The following DAB1 variants were observed in gnomAD, a reference collection of about 807,000 sequenced individuals.
DAB1 encodes disabled homolog 1.
In DAB1, 15 loss-of-function variants were observed where a neutral mutation model predicts 64.6. The ratio of observed to expected loss-of-function variants is 0.23; its 90% CI spans 0.16 to 0.36. The LOEUF is 0.36. DAB1 is among the 10% of genes least tolerant of loss of function. The pLI, the probability that DAB1 is intolerant of heterozygous loss-of-function variation, is 1.00. For synonymous variants in DAB1, 235 were observed against 251.9 expected (o/e 0.93, Z 0.64); for missense variants, 596 against 706.7 (o/e 0.84, Z 1.78).
At chr1:58,493,411 G>A (rs1645735275) in intron 3 of DAB1, among the ~76,000 whole-genome samples, 1 of 152,054 alleles carries the variant, frequency 6.6e-6, no homozygotes, top group African/African-American at 2.4e-5. Context: ...TGGAAGTTCT[G>A]GCCAGGGCAA....
intron 3 of DAB1, among the ~76,000 whole-genome samples, chr1:58,351,646 AT>A (rs1379415614): frequency 6.6e-6 from 1 of 151,892 alleles, no homozygotes; most frequent in Non-Finnish European, 1.5e-5. Context: ...CTCTTCATGC[AT>A]GCAGAGCCAA....
intron 3 of DAB1, among the ~76,000 whole-genome samples, chr1:58,383,473 C>T (rs1040843700): frequency 1.3e-5 from 2 of 152,168 alleles, no homozygotes; most frequent in African/African-American, 4.8e-5. Flanking sequence ...TTCTGGCTTG[C>T]ATGGCTTTGA....
intron 6 of DAB1, among the ~76,000 whole-genome samples, chr1:57,677,742 G>A (rs1452914839): frequency 1.3e-5 from 2 of 152,176 alleles, no homozygotes; most frequent in South Asian, 2.1e-4. Flanking sequence ...CCTTTGGGTT[G>A]GGAAGGGTAT....
chr1:57,407,581 G>A (rs2101047808), intron 1 of DAB1, among the ~76,000 whole-genome samples: 1 of 152,268 alleles, frequency 6.6e-6, no homozygotes, highest in East Asian at 1.9e-4. Flanking sequence ...ACTTCTTTGT[G>A]TTTACAAAAC....
chr1:58,318,823 C>T (rs1662615726), intron 4 of DAB1, among the ~76,000 whole-genome samples: 1 of 152,168 alleles, frequency 6.6e-6, no homozygotes, highest in South Asian at 2.1e-4. Context: ...TTAGCTATTC[C>T]AAGCATGCAT....
At chr1:57,153,623 G>GT (rs55813762) in intron 2 of DAB1, among the ~76,000 whole-genome samples, 28 of 147,968 alleles carry the variant, frequency 1.9e-4, no homozygotes, top group East Asian at 5.9e-4. Flanking sequence ...TATGTATGGG[G>GT]TTTTTTTTTT....
chr1:57,391,804 CACACACACAG>C (rs1465093823), intron 1 of DAB1, among the ~76,000 whole-genome samples: 14 of 137,886 alleles, frequency 1.0e-4, no homozygotes, highest in African/African-American at 3.9e-4. Context: ...CACACACACA[CACACACACAG>C]AGAGAGGAGA....
intron 2 of DAB1, among the ~76,000 whole-genome samples, chr1:57,150,363 T>G (rs553433433): frequency 2.6e-5 from 4 of 152,356 alleles, no homozygotes; most frequent in South Asian, 4.1e-4. Flanking sequence ...TCCCTCATTA[T>G]TCTCAAAAGT....
chr1:57,388,558 C>G (rs904863937), intron 1 of DAB1, among the ~76,000 whole-genome samples: 15 of 152,188 alleles, frequency 9.9e-5, no homozygotes, highest in Non-Finnish European at 2.1e-4. Flanking sequence ...CCCATCCCCT[C>G]TCCTGGGCCT....
chr1:57,089,627 T>C (rs1437206139), intron 4 of DAB1, among the ~76,000 whole-genome samples: 1 of 152,028 alleles, frequency 6.6e-6, no homozygotes, highest in Non-Finnish European at 1.5e-5. Flanking sequence ...TGCAAGAAAT[T>C]ACTTACTATC....
At chr1:57,470,726 C>A (rs1475924040) in intron 7 of DAB1, among the ~76,000 whole-genome samples, 1 of 152,144 alleles carries the variant, frequency 6.6e-6, no homozygotes, top group East Asian at 1.9e-4. Flanking sequence ...ATTGAATAGC[C>A]ATCAAATATT....
At chr1:57,470,683 T>A (rs933525700) in intron 7 of DAB1, among the ~76,000 whole-genome samples, 2 of 152,198 alleles carry the variant, frequency 1.3e-5, no homozygotes, top group African/African-American at 2.4e-5. Context: ...TAGACCCTGA[T>A]GATTACTCAA....
At chr1:58,479,929 T>C (rs545640403) in intron 3 of DAB1, among the ~76,000 whole-genome samples, 5 of 152,302 alleles carry the variant, frequency 3.3e-5, no homozygotes, top group African/African-American at 1.2e-4. Flanking sequence ...AGATTCACAA[T>C]ACAAAGTAGT....
In DAB1 at chr1:57,071,617, T is replaced by C; in HGVS notation, c.463A>G (p.Arg155Gly). ...TCATAAATGAGTTGAAAGAGATCTC[T>C]CAAGTCCAGAATAACAGGTTCAGCC... The part of the protein sequence containing the change: ...QAAEPVILDL[R>G]DLFQLIYELK... Residue 155 changes from arginine to glycine, a missense_variant, in exon 6 of 15, where the codon AGA becomes GGA. Arg to Gly is a moderately radical substitution (Grantham distance 125, BLOSUM62 -2). Around this residue, in one of 3 missense-constraint regions of DAB1, gnomAD observed 176 missense variants for 266.7 expected, o/e 0.66. Transcript: ENST00000371236. 1 of 1,613,710 alleles carries C rather than the reference T, an allele frequency of 6.2e-7. No individual in the cohort carries two copies. The highest frequency in any genetic ancestry group is 8.5e-7 in the Non-Finnish European group (1 of 1,179,894).
At chr1:58,395,040 C>A (rs753758117) in intron 3 of DAB1, among the ~76,000 whole-genome samples, 3 of 152,082 alleles carry the variant, frequency 2.0e-5, no homozygotes, top group Non-Finnish European at 4.4e-5. Context: ...CTCCGACAGT[C>A]TAGCTGAATC....
intron 5 of DAB1, among the ~76,000 whole-genome samples, chr1:57,907,487 C>T (rs1644570538): frequency 6.6e-6 from 1 of 152,184 alleles, no homozygotes; most frequent in African/African-American, 2.4e-5. Flanking sequence ...ATATTTTAAC[C>T]TAATTCATAC....
At chr1:57,148,954 A>G (rs1659405966) in intron 2 of DAB1, among the ~76,000 whole-genome samples, 1 of 152,158 alleles carries the variant, frequency 6.6e-6, no homozygotes, top group African/African-American at 2.4e-5. Flanking sequence ...ATTTTGGAAC[A>G]TTTTTGTCAT....
intron 4 of DAB1, among the ~76,000 whole-genome samples, chr1:57,118,253 A>G (rs1358904939): frequency 6.6e-6 from 1 of 152,178 alleles, no homozygotes; most frequent in African/African-American, 2.4e-5. Context: ...CTCTAATGAC[A>G]GTGTAGAGCT....
intron 5 of DAB1, among the ~76,000 whole-genome samples, chr1:58,028,819 C>T (rs140233215): frequency 0.021 from 3,165 of 152,278 alleles, 56 homozygotes; most frequent in Middle Eastern, 0.054. Context: ...GACGAGGAAT[C>T]TGAGGCTGAA....
Sources: gnomAD v4.1 joint callset for allele counts (sites outside exome capture counted in the v4.1 genomes callset) on GRCh38, gnomAD v4.1.1 for gene constraint, gnomAD v4.1.1 regional missense constraint, MANE v1.5 for transcripts, NCBI Gene and HGNC (gene_info 2026-07-23, HGNC 2026-07-21) for gene names.